APBA1: variants seen among roughly 807,000 people sequenced by gnomAD.
APBA1 encodes the protein amyloid-beta A4 precursor protein-binding family A member 1.
In APBA1, 55 loss-of-function variants were observed where a neutral mutation model predicts 86.6. The ratio of observed to expected loss-of-function variants is 0.64; its 90% CI spans 0.51 to 0.80. The LOEUF is 0.80. APBA1 is among the 30% of genes least tolerant of loss of function. The pLI is 0.00. For synonymous variants in APBA1, 511 were observed against 493.9 expected, an observed-to-expected ratio of 1.03 and a Z score of -0.46; for missense variants, 1,090 against 1,183.0, an observed-to-expected ratio of 0.92 and a Z score of 1.15.
At chr9:69,515,268 A>T (rs12336795) in intron 2 of APBA1, among the ~76,000 whole-genome samples, 22,853 of 152,016 alleles carry the variant, frequency 0.15, 2,288 homozygotes, top group East Asian at 0.28. Context: ...GATCAGCTGA[A>T]CTGCTTGCTA....
chr9:69,442,525 A>G (rs546399085), intron 10 of APBA1, among the ~76,000 whole-genome samples: 3 of 152,200 alleles, frequency 2.0e-5, no homozygotes, highest in Non-Finnish European at 4.4e-5. Context: ...CTACCAGGGA[A>G]TGAGGAGGGA....
chr9:69,482,354 C>T (rs1275282565), intron 2 of APBA1, among the ~76,000 whole-genome samples: 1 of 151,518 alleles, frequency 6.6e-6, no homozygotes, highest in Non-Finnish European at 1.5e-5. Flanking sequence ...TTTATGCAGC[C>T]AAAAAACACA....
chr9:69,602,400 T>G (rs1201369358), intron 1 of APBA1, among the ~76,000 whole-genome samples: 1 of 151,910 alleles, frequency 6.6e-6, no homozygotes, highest in African/African-American at 2.4e-5. Context: ...TGAAACCCCG[T>G]CTCTACTAAA....
intron 1 of APBA1, among the ~76,000 whole-genome samples, chr9:69,605,651 G>GA (rs1209133721): frequency 1.4e-4 from 21 of 152,230 alleles, no homozygotes; most frequent in Admixed American, 7.2e-4. Flanking sequence ...TTGAGCTGCT[G>GA]ACTATTAAGG....
chr9:69,521,815 G>T (rs1178953916), intron 1 of APBA1, among the ~76,000 whole-genome samples: 1 of 152,084 alleles, frequency 6.6e-6, no homozygotes, highest in African/African-American at 2.4e-5. Flanking sequence ...ATGTTTGTAG[G>T]CAGGTGTGGC....
At chr9:69,483,374 C>G (rs1298959477) in intron 2 of APBA1, among the ~76,000 whole-genome samples, 2 of 151,960 alleles carry the variant, frequency 1.3e-5, no homozygotes, top group South Asian at 4.1e-4. Context: ...TGTCTGATCT[C>G]TCGGGACCAG....
chr9:69,523,579 T>C (rs1836298617), intron 1 of APBA1, among the ~76,000 whole-genome samples: 1 of 142,480 alleles, frequency 7.0e-6, no homozygotes, highest in Non-Finnish European at 1.5e-5. Flanking sequence ...CCCAGATTCA[T>C]AAAACAAGTT....
chr9:69,485,202 G>T (rs12001157), intron 2 of APBA1, among the ~76,000 whole-genome samples: 1 of 152,028 alleles, frequency 6.6e-6, no homozygotes, highest in Admixed American at 6.5e-5. Flanking sequence ...GCAGAAAGCT[G>T]TCCCCAAATG....
At chr9:69,625,034 G>C (rs1822901247) in intron 1 of APBA1, among the ~76,000 whole-genome samples, 1 of 152,130 alleles carries the variant, frequency 6.6e-6, no homozygotes, top group Non-Finnish European at 1.5e-5. Context: ...ACATTCCAGA[G>C]ATCTTTGGAT....
intron 1 of APBA1, among the ~76,000 whole-genome samples, chr9:69,558,242 G>C (rs1473734769): frequency 6.6e-6 from 1 of 151,806 alleles, no homozygotes; most frequent in Non-Finnish European, 1.5e-5. Context: ...TGTGTTATTT[G>C]GCTTTGAAAG....
intron 2 of APBA1, among the ~76,000 whole-genome samples, chr9:69,483,087 T>C (rs1835545604): frequency 6.9e-6 from 1 of 145,476 alleles, no homozygotes; most frequent in Non-Finnish European, 1.5e-5. Flanking sequence ...ACCTGCACAA[T>C]GTGCACATGT....
chr9:69,483,832 C>T lies in APBA1; in HGVS notation c.1201-7689G>A, dbSNP rs899541398. On this transcript the variant is annotated intron_variant, in intron 2 of 12. Coordinates refer to ENST00000265381, the MANE Select transcript of APBA1 (RefSeq NM_001163.4). ...CTGGCATAAAGAACCCCAGACCCCACAGCCCCTGGCTGCAATAAAGTAGCC... is the reference window on the plus strand; with the variant it reads ...CTGGCATAAAGAACCCCAGACCCCATAGCCCCTGGCTGCAATAAAGTAGCC... Among the ~76,000 whole-genome samples, 3 of 152,218 alleles carry T rather than the reference C, an allele frequency of 2.0e-5. 1 individual carries two copies. The highest frequency in any genetic ancestry group is 7.2e-5 in the African/African-American group (3 of 41,550).
intron 1 of APBA1, among the ~76,000 whole-genome samples, chr9:69,658,284 C>CT (rs370230255): frequency 1.6e-4 from 12 of 75,482 alleles, no homozygotes; most frequent in African/African-American, 4.8e-4. Flanking sequence ...TTCTTTCTTT[C>CT]TCTCTCTCTT....
chr9:69,463,269 A>T (rs1835220523), intron 5 of APBA1: 1 of 128,226 alleles, frequency 7.8e-6, no homozygotes, highest in Admixed American at 7.8e-5. Context: ...CAAGCTCAAG[A>T]ACTGTGTATT....
At chr9:69,443,567 T>C (rs1378627628) in intron 10 of APBA1, among the ~76,000 whole-genome samples, 2 of 152,188 alleles carry the variant, frequency 1.3e-5, no homozygotes, top group Non-Finnish European at 1.5e-5. Flanking sequence ...AAACCCACCC[T>C]GATGATGAAA....
intron 2 of APBA1, among the ~76,000 whole-genome samples, chr9:69,496,054 A>G (rs1835789611): frequency 6.6e-6 from 1 of 152,136 alleles, no homozygotes; most frequent in Non-Finnish European, 1.5e-5. Context: ...ATTGGGCTCA[A>G]GAGCTGGACT....
chr9:69,668,060 T>C (rs1352172736), intron 1 of APBA1, among the ~76,000 whole-genome samples: 2 of 152,160 alleles, frequency 1.3e-5, no homozygotes, highest in African/African-American at 4.8e-5. Flanking sequence ...TGTCCTCTTC[T>C]TTCTCTTTCC....
chr9:69,535,906 G>A (rs546876211), intron 1 of APBA1, among the ~76,000 whole-genome samples: 8 of 151,956 alleles, frequency 5.3e-5, no homozygotes, highest in Non-Finnish European at 1.2e-4. Flanking sequence ...GAAGTGTCCT[G>A]GTTTGCCTTT....
At position 69,517,078 on chromosome 9, in the gene APBA1, G is replaced by A. The variant is rs1411434568; in HGVS notation, c.133C>T (p.Gln45Ter). Residue 45 changes from glutamine (Q) to a stop codon, truncating the protein, a stop_gained, in exon 2 of 13, where the codon CAG becomes TAG. Coordinates refer to ENST00000265381, the MANE Select transcript of APBA1 (RefSeq NM_001163.4). LOFTEE classifies it high-confidence loss of function. ...EEEQQQPPQQQHYVGRHQRGR... is the reference protein window; with the variant it reads ...EEEQQQPPQQ The stretch of plus-strand genomic sequence containing the variant: ...CGCTGGTGGCGGCCCACATAGTGCT[G>A]CTGCTGCGGCGGCTGCTGCTGTTCC... 1.3e-6 allele frequency: 2 copies of A among 1,583,908 alleles called. No individual in the cohort carries two copies. The highest frequency in any genetic ancestry group is 1.7e-6 in the Non-Finnish European group (2 of 1,170,432).
Sources: allele counts gnomAD v4.1 joint callset (sites outside exome capture counted in the v4.1 genomes callset), GRCh38; gene constraint gnomAD v4.1.1; transcripts MANE v1.5; gene names NCBI Gene and HGNC (gene_info 2026-07-23, HGNC 2026-07-21).